MDGA2: variants seen among roughly 807,000 people sequenced by gnomAD.
The protein encoded by MDGA2 is MAM domain-containing glycosylphosphatidylinositol anchor protein 2.
Under a neutral mutation model 117.8 loss-of-function variants are expected in MDGA2, and 40 were observed. The ratio of observed to expected loss-of-function variants is 0.34; its 90% CI spans 0.26 to 0.44. The LOEUF is 0.44. MDGA2 is among the 20% of genes least tolerant of loss of function. The probability of loss-of-function intolerance (pLI) is 1.00; values close to 1 mark genes in which losing one functional copy is unlikely to be tolerated. For synonymous variants in MDGA2, 452 were observed against 439.0 expected, an observed-to-expected ratio of 1.03 and a Z score of -0.37; for missense variants, 1,123 against 1,250.6, an observed-to-expected ratio of 0.90 and a Z score of 1.54.
chr14:47,227,327 C>T (rs1886540965), intron 2 of MDGA2, among the ~76,000 whole-genome samples: 1 of 152,116 alleles, frequency 6.6e-6, no homozygotes, highest in African/African-American at 2.4e-5. Flanking sequence ...AGCCCTGCTC[C>T]CGTGCCTCTA....
chr14:47,460,122 G>A (rs747411997), intron 1 of MDGA2, among the ~76,000 whole-genome samples: 9 of 151,952 alleles, frequency 5.9e-5, no homozygotes, highest in Non-Finnish European at 1.3e-4. Flanking sequence ...TTCATTCTCA[G>A]TCATCATCAT....
chr14:46,957,717 A>C, intron 8 of MDGA2, 74 bp from the exon 9 acceptor site: 4 of 1,510,686 alleles, frequency 2.6e-6, no homozygotes, highest in Non-Finnish European at 3.6e-6. Context: ...TATTAGAAGA[A>C]GCCATTTGCA....
chr14:47,626,842 G>A (rs1897153833), intron 1 of MDGA2, among the ~76,000 whole-genome samples: 1 of 152,216 alleles, frequency 6.6e-6, no homozygotes, highest in Non-Finnish European at 1.5e-5. Context: ...GACGAGCGCC[G>A]CCCCCTGCTC....
chr14:47,611,654 G>A (rs1037076711), intron 1 of MDGA2, among the ~76,000 whole-genome samples: 6 of 152,050 alleles, frequency 3.9e-5, no homozygotes, highest in Non-Finnish European at 8.8e-5. Context: ...ACCACAATGT[G>A]ATATCACTTT....
intron 6 of MDGA2, among the ~76,000 whole-genome samples, chr14:47,090,088 A>AAAC (rs1350720132): frequency 5.3e-5 from 8 of 152,154 alleles, no homozygotes; most frequent in African/African-American, 1.9e-4. Context: ...AAATATTAGC[A>AAAC]GTGCTAATAT....
At chr14:47,050,177 A>C (rs1368375106) in intron 7 of MDGA2, among the ~76,000 whole-genome samples, 2 of 151,982 alleles carry the variant, frequency 1.3e-5, no homozygotes, top group Non-Finnish European at 1.5e-5. Context: ...GCCAGAATTC[A>C]CCTATGTTCA....
intron 8 of MDGA2, among the ~76,000 whole-genome samples, chr14:46,990,395 C>A (rs1409833152): frequency 6.6e-6 from 1 of 151,814 alleles, no homozygotes; most frequent in Non-Finnish European, 1.5e-5. Context: ...AAACTAAAAT[C>A]TTCATAGTAA....
At chr14:47,456,597 C>T (rs1290678907) in intron 1 of MDGA2, among the ~76,000 whole-genome samples, 1 of 151,994 alleles carries the variant, frequency 6.6e-6, no homozygotes, top group African/African-American at 2.4e-5. Flanking sequence ...GCCACCATGC[C>T]CGGCCAATTG....
chr14:47,019,639 C>G (rs923995969), intron 8 of MDGA2, among the ~76,000 whole-genome samples: 1 of 151,896 alleles, frequency 6.6e-6, no homozygotes, highest in Non-Finnish European at 1.5e-5. Flanking sequence ...GTCAGGAGAT[C>G]GAGATCATCC....
intron 1 of MDGA2, among the ~76,000 whole-genome samples, chr14:47,422,234 T>C (rs566661923): frequency 1.3e-5 from 2 of 152,274 alleles, no homozygotes; most frequent in South Asian, 4.1e-4. Flanking sequence ...CTCCATAGAC[T>C]AAAAAGGAAC....
At chr14:47,029,655 C>T (rs974845516) in intron 8 of MDGA2, among the ~76,000 whole-genome samples, 3 of 151,886 alleles carry the variant, frequency 2.0e-5, no homozygotes, top group Admixed American at 6.6e-5. Flanking sequence ...ACTTTAATAG[C>T]GCTTTGAGAT....
At chr14:47,558,708 A>G (rs1249992811) in intron 1 of MDGA2, among the ~76,000 whole-genome samples, 2 of 152,208 alleles carry the variant, frequency 1.3e-5, no homozygotes, top group East Asian at 1.9e-4. Flanking sequence ...TATCCTTTTT[A>G]TAAGTGCATA....
chr14:47,278,192 GA>G (rs1555369258), intron 2 of MDGA2, among the ~76,000 whole-genome samples: 2 of 151,986 alleles, frequency 1.3e-5, no homozygotes, highest in South Asian at 2.1e-4. Flanking sequence ...AAAAAAATCA[GA>G]AAAGTTACTG....
At chr14:47,322,900 G>A (rs1404228670) in intron 1 of MDGA2, among the ~76,000 whole-genome samples, 4 of 151,710 alleles carry the variant, frequency 2.6e-5, no homozygotes, top group African/African-American at 9.7e-5. Flanking sequence ...AACCATAACT[G>A]GAATCGCCAC....
intron 5 of MDGA2, among the ~76,000 whole-genome samples, chr14:47,100,995 TCTC>T (rs145192914): frequency 0.026 from 3,954 of 151,924 alleles, 163 homozygotes; most frequent in African/African-American, 0.09. Flanking sequence ...GAGATTTGAG[TCTC>T]CTCATAAAGA....
At chr14:47,175,688 A>G (rs1160076520) in intron 3 of MDGA2, among the ~76,000 whole-genome samples, 2 of 149,792 alleles carry the variant, frequency 1.3e-5, no homozygotes, top group South Asian at 2.1e-4. Flanking sequence ...CCCACAGCCA[A>G]TATCATACTG....
At chr14:47,476,770 A>G (rs752448163) in intron 1 of MDGA2, among the ~76,000 whole-genome samples, 10 of 152,240 alleles carry the variant, frequency 6.6e-5, no homozygotes, top group Non-Finnish European at 1.3e-4. Context: ...ATATAAAAAC[A>G]TGACTTTTGT....
chr14:47,518,606 C>A (rs932048233), intron 1 of MDGA2, among the ~76,000 whole-genome samples: 2 of 152,110 alleles, frequency 1.3e-5, no homozygotes, highest in African/African-American at 4.8e-5. Flanking sequence ...TACTTTTATG[C>A]TTTTTCTTCT....
intron 1 of MDGA2, among the ~76,000 whole-genome samples, chr14:47,556,225 CCCA>C (rs1454302377): frequency 6.6e-6 from 1 of 152,110 alleles, no homozygotes; most frequent in Non-Finnish European, 1.5e-5. Context: ...GACTCTGTTG[CCCA>C]CTTAATCAAA....
Sources: allele counts gnomAD v4.1 joint callset (sites outside exome capture counted in the v4.1 genomes callset), GRCh38; gene constraint gnomAD v4.1.1; transcripts MANE v1.5; gene names NCBI Gene and HGNC (gene_info 2026-07-23, HGNC 2026-07-21).